AFF2: variants seen among roughly 807,000 people sequenced by gnomAD.
The protein encoded by AFF2 is AF4/FMR2 family member 2.
In AFF2, 14 loss-of-function variants were observed where a neutral mutation model predicts 76.9. That is an observed-to-expected ratio of 0.18 (90% CI 0.12 to 0.28). The LOEUF is 0.28. Among genes scored for constraint, AFF2 ranks in the 10% least tolerant of loss-of-function variants. AFF2 has a pLI of 1.00. For synonymous variants in AFF2, 398 were observed against 366.7 expected (o/e 1.09, Z -0.98); for missense variants, 868 against 1,001.1 (o/e 0.87, Z 1.79).
chrX:148,629,386 A>C (rs979860171), intron 1 of AFF2, among the ~76,000 whole-genome samples: 1 of 112,324 alleles, frequency 8.9e-6, no homozygotes, highest in Non-Finnish European at 1.9e-5. Context: ...ATGAAGTCAA[A>C]TATTTGATTA....
intron 7 of AFF2, among the ~76,000 whole-genome samples, chrX:148,884,856 G>T (rs782677390): frequency 2.8e-4 from 31 of 111,746 alleles, no homozygotes; most frequent in Non-Finnish European, 5.5e-4. Flanking sequence ...GGATCACTGG[G>T]CTACAAAGGA....
chrX:148,588,223 G>A lies in AFF2; in HGVS notation c.48-63776G>A, dbSNP rs782539386. On this transcript the variant is annotated intron_variant, in intron 1 of 20. Transcript: ENST00000370460. ...GAATTGGTGATATTTGTTCATATAT[G>A]TAAAATGTAGACATTTCTAATACAA... is the stretch of plus-strand genomic sequence containing the variant. 6.2e-5 allele frequency among the ~76,000 whole-genome samples: 7 copies of A among 113,066 alleles called. No homozygotes were observed. The South Asian group carries it at 1.1e-3, about 17-fold the overall frequency.
At position 148,785,094 on chromosome X, in the gene AFF2, C is replaced by A. The variant is rs151300288; in HGVS notation, c.1042-24782C>A. 3.5e-3 allele frequency among the ~76,000 whole-genome samples: 395 copies of A among 112,194 alleles called. 4 individuals carry two copies. Among genetic ancestry groups the A allele is most frequent in the African/African-American group, 0.012 (376 of 30,903 alleles). ...GCAGTGAGAGGCTTGGGGCACCGGG[C>A]TCCTGAGCTTGTGTGAGTATGTGTG... is the stretch of plus-strand genomic sequence containing the variant. On this transcript the variant is annotated intron_variant, in intron 3 of 20. Coordinates refer to ENST00000370460, the MANE Select transcript of AFF2 (RefSeq NM_002025.4).
chrX:148,833,000 T>C (rs965748919), intron 4 of AFF2, among the ~76,000 whole-genome samples: 7 of 111,842 alleles, frequency 6.3e-5, no homozygotes, highest in Non-Finnish European at 1.1e-4. Flanking sequence ...CAGTTTGAGC[T>C]CTTTTACAGT....
chrX:148,932,230 G>T (rs1204590367), intron 9 of AFF2, among the ~76,000 whole-genome samples: 4 of 112,277 alleles, frequency 3.6e-5, no homozygotes, highest in Non-Finnish European at 7.5e-5. Flanking sequence ...ATCAGGTATA[G>T]CCTGTGCAAC....
chrX:148,590,706 C>G (rs782022484), intron 1 of AFF2, among the ~76,000 whole-genome samples: 2 of 111,827 alleles, frequency 1.8e-5, no homozygotes, highest in Admixed American at 1.9e-4. Flanking sequence ...GAAAGGAGCC[C>G]AGGGGTTGCT....
At chrX:148,892,889 C>G (rs782514919) in intron 8 of AFF2, among the ~76,000 whole-genome samples, 1 of 111,883 alleles carries the variant, frequency 8.9e-6, no homozygotes, top group South Asian at 3.8e-4. Context: ...CTGGGGAAAG[C>G]CTCTTCAGTA....
intron 9 of AFF2, among the ~76,000 whole-genome samples, chrX:148,915,375 G>C (rs1557282445): frequency 8.9e-6 from 1 of 112,068 alleles, no homozygotes; most frequent in East Asian, 2.8e-4. Flanking sequence ...GGCAGAGGCA[G>C]CCATAACTAA....
chrX:148,741,563 C>T (rs1273722487), intron 3 of AFF2, among the ~76,000 whole-genome samples: 2 of 111,153 alleles, frequency 1.8e-5, no homozygotes, highest in African/African-American at 3.3e-5. Context: ...GGCTTTCCTC[C>T]TCTCAGCTGC....
chrX:148,534,841 C>T (rs782413294), intron 1 of AFF2, among the ~76,000 whole-genome samples: 4 of 112,113 alleles, frequency 3.6e-5, no homozygotes, highest in Non-Finnish European at 7.5e-5. Context: ...TCCTGAGTAT[C>T]CCACATTTGT....
At chrX:148,564,500 C>A (rs1438341562) in intron 1 of AFF2, among the ~76,000 whole-genome samples, 1 of 108,254 alleles carries the variant, frequency 9.2e-6, no homozygotes, top group Non-Finnish European at 1.9e-5. Flanking sequence ...CGTTACTCTG[C>A]ATGCCATTTT....
intron 3 of AFF2, among the ~76,000 whole-genome samples, chrX:148,669,145 G>A (rs1226878473): frequency 1.8e-5 from 2 of 111,453 alleles, no homozygotes; most frequent in African/African-American, 6.5e-5. Context: ...AGTCACCTTT[G>A]CTCCAGTCCC....
At chrX:148,637,426 G>GT (rs1569552432) in intron 1 of AFF2, among the ~76,000 whole-genome samples, 1 of 112,125 alleles carries the variant, frequency 8.9e-6, no homozygotes, top group African/African-American at 3.2e-5. Flanking sequence ...CAAAGGCACA[G>GT]TTTTTTATTG....
At chrX:148,767,445 G>A (rs1454005167) in intron 3 of AFF2, among the ~76,000 whole-genome samples, 5 of 111,604 alleles carry the variant, frequency 4.5e-5, no homozygotes, top group African/African-American at 6.5e-5. Flanking sequence ...CATTTCAAAT[G>A]ATAGACTCAA....
rs528742217 is a variant in AFF2, at chrX:148,967,106, A to G, written c.3203+27A>G. The G allele has an allele frequency of 3.9e-4, 462 of 1,197,293 alleles. 5 individuals are homozygous for G. The South Asian group carries it at 8.0e-3, about 21-fold the overall frequency. On this transcript the variant is annotated intron_variant, in intron 14 of 20. Coordinates refer to ENST00000370460, the MANE Select transcript of AFF2 (RefSeq NM_002025.4). The stretch of plus-strand genomic sequence containing the variant: ...TATGTTGTTCCAGATTATCATGGAC[A>G]GTTTGGAGTAGTGAATGGGGGGTGG...
At chrX:148,775,832 A>G (rs184825188) in intron 3 of AFF2, among the ~76,000 whole-genome samples, 2 of 103,945 alleles carry the variant, frequency 1.9e-5, no homozygotes, top group Non-Finnish European at 3.9e-5. Flanking sequence ...CAGATAACTC[A>G]GGATAAATGC....
At chrX:148,922,883 C>T (rs1231047942) in intron 9 of AFF2, among the ~76,000 whole-genome samples, 1 of 111,821 alleles carries the variant, frequency 8.9e-6, no homozygotes, top group Admixed American at 9.5e-5. Flanking sequence ...CCTCTCCCTC[C>T]GAGGCAGCAA....
chrX:148,664,222 A>G (rs1176628394), intron 3 of AFF2, among the ~76,000 whole-genome samples: 1 of 112,000 alleles, frequency 8.9e-6, no homozygotes, highest in Non-Finnish European at 1.9e-5. Flanking sequence ...TTCCAGGGAA[A>G]AGTCCAAATT....
intron 7 of AFF2, among the ~76,000 whole-genome samples, chrX:148,858,649 G>A (rs1476581178): frequency 7.2e-5 from 8 of 110,756 alleles, no homozygotes; most frequent in African/African-American, 9.8e-5. Flanking sequence ...ATATCAATTC[G>A]TTTTGTTCAA....
Sources: gnomAD v4.1 joint callset for allele counts (sites outside exome capture counted in the v4.1 genomes callset) on GRCh38, gnomAD v4.1.1 for gene constraint, MANE v1.5 for transcripts, NCBI Gene and HGNC (gene_info 2026-07-23, HGNC 2026-07-21) for gene names.